The following UBE2N variants were observed in gnomAD, a reference collection of about 807,000 sequenced individuals.
UBE2N encodes the protein ubiquitin-conjugating enzyme E2 N.
For synonymous variants in UBE2N, 70 were observed against 69.2 expected (o/e 1.01, Z -0.06); for missense variants, 60 against 192.1 (o/e 0.31, Z 4.07).
intron 1 of UBE2N, among the ~76,000 whole-genome samples, chr12:93,438,533 G>T (rs1403174003): frequency 6.6e-6 from 1 of 152,042 alleles, no homozygotes; most frequent in East Asian, 1.9e-4. Context: ...GATGCGCTCA[G>T]AAGTAGGCAT....
chr12:93,417,631 A>T (rs896407947), intron 1 of UBE2N, among the ~76,000 whole-genome samples: 3 of 152,206 alleles, frequency 2.0e-5, no homozygotes, highest in East Asian at 3.8e-4. Flanking sequence ...AGTAATATCA[A>T]CTGTAGATCT....
chr12:93,433,500 TTCATA>T (rs1210687592), intron 1 of UBE2N, among the ~76,000 whole-genome samples: 2 of 152,238 alleles, frequency 1.3e-5, no homozygotes, highest in Non-Finnish European at 2.9e-5. Context: ...CATTCATTCC[TTCATA>T]TATTACATTT....
chr12:93,411,242 T>C lies in UBE2N; in HGVS notation c.88A>G (p.Ser30Gly). The C allele has an allele frequency of 1.9e-6, 3 of 1,614,138 alleles. No homozygotes were observed. The highest frequency in any genetic ancestry group is 2.5e-6 in the Non-Finnish European group (3 of 1,179,998). Residue 30 changes from serine (S) to glycine (G), a missense_variant, in exon 2 of 4, where the codon AGC becomes GGC. Physicochemically the swap from Ser to Gly is moderately conservative, Grantham distance 56. Coordinates refer to ENST00000318066, the MANE Select transcript of UBE2N (RefSeq NM_003348.4). Reference sequence around the variant, plus strand: ...ACCACATGAAAATAACGGGCGTTGCTCTCATCTGGTTCGGCTTTGATGCCA... The same window carrying C: ...ACCACATGAAAATAACGGGCGTTGCCCTCATCTGGTTCGGCTTTGATGCCA... The part of the protein sequence containing the change: ...VPGIKAEPDE[S>G]NARYFHVVIA...
At chr12:93,420,766 T>C (rs1878383415) in intron 1 of UBE2N, among the ~76,000 whole-genome samples, 2 of 152,272 alleles carry the variant, frequency 1.3e-5, no homozygotes, top group South Asian at 4.1e-4. Flanking sequence ...ATCAGAATAA[T>C]CCTACTAACA....
chr12:93,417,634 G>A (rs1436857653), intron 1 of UBE2N, among the ~76,000 whole-genome samples: 1 of 152,126 alleles, frequency 6.6e-6, no homozygotes, highest in Non-Finnish European at 1.5e-5. Flanking sequence ...AATATCAACT[G>A]TAGATCTTTT....
intron 1 of UBE2N, among the ~76,000 whole-genome samples, chr12:93,426,979 G>A (rs1878612350): frequency 6.6e-6 from 1 of 152,050 alleles, no homozygotes; most frequent in Non-Finnish European, 1.5e-5. Context: ...GAGTGCAGTG[G>A]CACGATCTCG....
intron 1 of UBE2N, among the ~76,000 whole-genome samples, chr12:93,415,612 G>A (rs1192910579): frequency 6.6e-6 from 1 of 152,128 alleles, no homozygotes; most frequent in Non-Finnish European, 1.5e-5. Context: ...AAGATATTAG[G>A]GATGAATAGC....
chr12:93,420,880 T>C (rs976426557), intron 1 of UBE2N, among the ~76,000 whole-genome samples: 3 of 152,264 alleles, frequency 2.0e-5, no homozygotes, highest in African/African-American at 4.8e-5. Flanking sequence ...GGTTGTATTA[T>C]AGTCTGTGTA....
intron 3 of UBE2N, chr12:93,410,286 C>G: frequency 1.9e-6 from 1 of 532,284 alleles, no homozygotes; most frequent in Non-Finnish European, 3.3e-6. Context: ...TTAAGAAGTT[C>G]TAGAAAATTC....
chr12:93,439,484 G>C (rs542851442), intron 1 of UBE2N, among the ~76,000 whole-genome samples: 37 of 152,174 alleles, frequency 2.4e-4, no homozygotes, highest in African/African-American at 8.2e-4. Flanking sequence ...CTCAAGAAAA[G>C]AAAACAGAAA....
intron 1 of UBE2N, among the ~76,000 whole-genome samples, chr12:93,428,367 CT>C (rs1878655046): frequency 6.6e-6 from 1 of 152,202 alleles, no homozygotes; most frequent in African/African-American, 2.4e-5. Flanking sequence ...GTTCAAATAT[CT>C]CCTGGGTCTG....
chr12:93,434,304 T>A (rs1251120558), intron 1 of UBE2N, among the ~76,000 whole-genome samples: 1 of 152,020 alleles, frequency 6.6e-6, no homozygotes, highest in Non-Finnish European at 1.5e-5. Flanking sequence ...AAAAAAAAAC[T>A]CTGGTTTTAA....
In UBE2N at chr12:93,407,827, G is replaced by C. The variant is rs915326339; in HGVS notation, c.*2212C>G. 1 of 152,168 alleles carries C rather than the reference G, an allele frequency of 6.6e-6. No homozygotes were observed. The highest frequency in any genetic ancestry group is 2.1e-4 in the South Asian group (1 of 4,826). 9.4% of individuals were successfully genotyped at this position (152,168 alleles called of 1,614,324 possible). A position where few individuals can be genotyped will look rare whatever the true frequency, so the allele number is the denominator to read the frequency against. On this transcript the variant is annotated 3_prime_UTR_variant, in exon 4 of 4. Coordinates refer to ENST00000318066, the MANE Select transcript of UBE2N (RefSeq NM_003348.4). ...CCAGAGCCCCTTAAGTCCTAAGAAG[G>C]CTCAGTCAACACACTGGCACTCGTT...
chr12:93,411,437 G>T, intron 1 of UBE2N, 138 bp from the exon 2 acceptor site: 1 of 1,229,424 alleles, frequency 8.1e-7, no homozygotes, highest in Non-Finnish European at 1.1e-6. Context: ...CTTATAAAAT[G>T]CAAAATTCAA....
chr12:93,426,959 G>A (rs982377159), intron 1 of UBE2N, among the ~76,000 whole-genome samples: 14 of 147,940 alleles, frequency 9.5e-5, no homozygotes, highest in Admixed American at 2.0e-4. Flanking sequence ...TTCTTTTGTC[G>A]CCCAGACTGG....
chr12:93,436,325 A>T (rs1053284008), intron 1 of UBE2N, among the ~76,000 whole-genome samples: 1 of 152,176 alleles, frequency 6.6e-6, no homozygotes, highest in Admixed American at 6.5e-5. Context: ...CCCAGTCTTG[A>T]AACCTTGGGC....
rs993437560 is a variant in UBE2N, at chr12:93,410,019, C to T, written c.*20G>A. 5.0e-6 allele frequency: 8 copies of T among 1,611,750 alleles called. No individual in the cohort carries two copies. Among genetic ancestry groups the T allele is most frequent in the Admixed American group, 3.3e-5 (2 of 59,764 alleles). On this transcript the variant is annotated 3_prime_UTR_variant, in exon 4 of 4. Transcript: ENST00000318066. ...TTGGCAGAACAGGAGAAGTGATGCA[C>T]ACTTGATGATCGTATCAATTTAAAT...
At chr12:93,412,584 T>C (rs1465938152) in intron 1 of UBE2N, among the ~76,000 whole-genome samples, 1 of 152,202 alleles carries the variant, frequency 6.6e-6, no homozygotes, top group African/African-American at 2.4e-5. Flanking sequence ...CACAAGAGTA[T>C]ACTGAACAAA....
chr12:93,412,797 A>T (rs776445101), intron 1 of UBE2N, among the ~76,000 whole-genome samples: 7 of 152,230 alleles, frequency 4.6e-5, no homozygotes, highest in East Asian at 1.9e-4. Context: ...CTTTTAAATA[A>T]GGAAGAGGAA....
Sources: allele counts gnomAD v4.1 joint callset (sites outside exome capture counted in the v4.1 genomes callset), GRCh38; gene constraint gnomAD v4.1.1; transcripts MANE v1.5; gene names NCBI Gene and HGNC (gene_info 2026-07-23, HGNC 2026-07-21).